Variants in PDE3A observed in about 807,000 individuals in gnomAD.
PDE3A encodes the protein phosphodiesterase 3A, also known as cGMP-inhibited 3',5'-cyclic phosphodiesterase 3A.
Under a neutral mutation model 98.3 loss-of-function variants are expected in PDE3A, and 43 were observed. The ratio of observed to expected loss-of-function variants is 0.44; its 90% CI spans 0.34 to 0.56. The LOEUF (loss-of-function observed/expected upper bound fraction) is 0.56, where lower values mean the gene tolerates loss of function less well. Ranked by LOEUF, PDE3A falls within the 20% of genes least tolerant of loss-of-function variation. PDE3A has a pLI of 0.01. For synonymous variants in PDE3A, 663 were observed against 567.9 expected (o/e 1.17, Z -2.38); for missense variants, 1,427 against 1,440.7 (o/e 0.99, Z 0.15).
Position 20,552,620 on chromosome 12 carries a change from G to C in PDE3A, c.961-4040G>C, listed in dbSNP as rs570333807. On this transcript the variant is annotated intron_variant, in intron 1 of 15. Coordinates refer to ENST00000359062, the MANE Select transcript of PDE3A (RefSeq NM_000921.5). This position sits in a 1 kb window ranked among gnomAD's most constrained non-coding sequence, Gnocchi z 5.1. ...CCGAGCAGGGCCGGGTCCCCGCGCC[G>C]GACATCCAAGAAAACCAAGGTGGAG... 1.9e-6 allele frequency: 3 copies of C among 1,613,554 alleles called. No individual in the cohort carries two copies. The highest frequency in any genetic ancestry group is 1.7e-6 in the Non-Finnish European group (2 of 1,179,760).
rs1455233586 is a variant in PDE3A at position 20,552,819 on chromosome 12, G to A, written c.961-3841G>A. The A allele has an allele frequency of 1.2e-6, 2 of 1,613,868 alleles. No homozygotes were observed. Among genetic ancestry groups the A allele is most frequent in the African/African-American group, 1.3e-5 (1 of 74,950 alleles). On this transcript the variant is annotated intron_variant, in intron 1 of 15. Transcript: ENST00000359062. This position sits in a 1 kb window ranked among gnomAD's most constrained non-coding sequence, Gnocchi z 5.1. ...TCCAGTGTATCTGCTGTCAGGAGCT[G>A]GTGTTCCGGCCCATCACGACCGTGT...
At chr12:20,645,232 C>T (rs530612103) in intron 10 of PDE3A, among the ~76,000 whole-genome samples, 11 of 152,148 alleles carry the variant, frequency 7.2e-5, no homozygotes, top group Non-Finnish European at 1.6e-4. Context: ...TCTTTTCAAA[C>T]CCACATCCAG....
chr12:20,471,197 C>G (rs1945433913), intron 1 of PDE3A, among the ~76,000 whole-genome samples: 1 of 152,128 alleles, frequency 6.6e-6, no homozygotes, highest in Admixed American at 6.5e-5. Context: ...AGCATTTGAA[C>G]TCTTCAGAAT....
chr12:20,625,805 AT>A (rs1381436355), intron 5 of PDE3A, among the ~76,000 whole-genome samples: 1 of 152,130 alleles, frequency 6.6e-6, no homozygotes, highest in Non-Finnish European at 1.5e-5. Context: ...AGGAGTTGGC[AT>A]TTTAGACTTT....
chr12:20,597,497 G>A (rs567578320), intron 2 of PDE3A, among the ~76,000 whole-genome samples: 15 of 152,028 alleles, frequency 9.9e-5, no homozygotes, highest in East Asian at 1.9e-4. Context: ...TTTTTTGTTG[G>A]TTTTTTTCTT....
intron 1 of PDE3A, among the ~76,000 whole-genome samples, chr12:20,538,931 C>A (rs946976108): frequency 6.7e-6 from 1 of 150,122 alleles, no homozygotes; most frequent in South Asian, 2.2e-4. Context: ...CAAGTGTGAA[C>A]CACCACACCT....
intron 1 of PDE3A, among the ~76,000 whole-genome samples, chr12:20,491,403 C>T (rs1173109524): frequency 6.6e-6 from 1 of 152,144 alleles, no homozygotes; most frequent in Non-Finnish European, 1.5e-5. Context: ...TGCCTTCCCT[C>T]CCCCACCTTT....
chr12:20,590,405 A>G (rs1943308726), intron 2 of PDE3A, among the ~76,000 whole-genome samples: 1 of 148,648 alleles, frequency 6.7e-6, no homozygotes, highest in African/African-American at 2.5e-5. Flanking sequence ...CCTGAGTGAG[A>G]GGTGGCATGT....
intron 1 of PDE3A, among the ~76,000 whole-genome samples, chr12:20,383,031 C>G (rs1180069294): frequency 6.6e-6 from 1 of 151,878 alleles, no homozygotes; most frequent in Admixed American, 6.6e-5. Flanking sequence ...CCAGATAAGG[C>G]AACAGTAGAA....
In PDE3A at chr12:20,686,339, T is replaced by C. The variant is rs930484277; in HGVS notation, c.*6068T>C. ...TGTTATAAAATAAATGTTCTATTAA[T>C]GTATATTTTATTTTACTAAGTTCTA... On this transcript the variant is annotated 3_prime_UTR_variant, in exon 16 of 16. Transcript: ENST00000359062. Among the ~76,000 whole-genome samples, 1 of 152,156 alleles carries C rather than the reference T, an allele frequency of 6.6e-6. No individual in the cohort carries two copies. Among genetic ancestry groups the C allele is most frequent in the Non-Finnish European group, 1.5e-5 (1 of 68,002 alleles).
At chr12:20,630,385 T>C (rs1196978443) in intron 6 of PDE3A, among the ~76,000 whole-genome samples, 1 of 152,232 alleles carries the variant, frequency 6.6e-6, no homozygotes, top group Non-Finnish European at 1.5e-5. Flanking sequence ...GCTGTATATG[T>C]TGCCTGTTTG....
chr12:20,472,906 A>G (rs1044672286), intron 1 of PDE3A, among the ~76,000 whole-genome samples: 2 of 152,302 alleles, frequency 1.3e-5, no homozygotes, highest in Non-Finnish European at 2.9e-5. Flanking sequence ...AAATACATTG[A>G]AATTTTTATT....
intron 1 of PDE3A, among the ~76,000 whole-genome samples, chr12:20,494,485 G>T (rs1945882635): frequency 6.6e-6 from 1 of 151,882 alleles, no homozygotes; most frequent in Admixed American, 6.6e-5. Flanking sequence ...GCTGTGTGTA[G>T]GTACATTTCT....
rs569349522 is a variant in PDE3A at position 20,533,835 on chromosome 12, G to A, written c.961-22825G>A. On this transcript the variant is annotated intron_variant, in intron 1 of 15. Coordinates refer to ENST00000359062, the MANE Select transcript of PDE3A (RefSeq NM_000921.5). ...CTAAAGAATAAGTCTGAACAAAGTA[G>A]TGACTATTTTAAACCAATAGTATAC... Among the ~76,000 whole-genome samples the A allele has an allele frequency of 1.8e-3, 269 of 152,134 alleles. 2 individuals are homozygous for A. Among genetic ancestry groups the A allele is most frequent in the Non-Finnish European group, 3.0e-3 (202 of 68,010 alleles).
chr12:20,469,009 G>A (rs1409451335), intron 1 of PDE3A, among the ~76,000 whole-genome samples: 1 of 152,184 alleles, frequency 6.6e-6, no homozygotes, highest in East Asian at 1.9e-4. Flanking sequence ...CACTGGAGGA[G>A]AAGTCCAAAG....
At position 20,420,235 on chromosome 12, in the gene PDE3A, T is replaced by G. The variant is rs544401219; in HGVS notation, c.960+49991T>G. ...AGGGCTTCGGAGAAGAGAGAATGTC[T>G]GTATTGGAGAGAGACTATTTGGCAG... is the stretch of plus-strand genomic sequence containing the variant. On this transcript the variant is annotated intron_variant, in intron 1 of 15. Transcript: ENST00000359062. 5.9e-4 allele frequency among the ~76,000 whole-genome samples: 90 copies of G among 152,264 alleles called. 1 individual carries two copies. The Middle Eastern group carries it at 0.014, about 23-fold the overall frequency.
intron 1 of PDE3A, among the ~76,000 whole-genome samples, chr12:20,444,019 G>T (rs535042212): frequency 6.6e-6 from 1 of 152,238 alleles, no homozygotes; most frequent in South Asian, 2.1e-4. Context: ...GGTTTATATA[G>T]CAGGAAGTTA....
chr12:20,393,630 A>G (rs1943958760), intron 1 of PDE3A, among the ~76,000 whole-genome samples: 1 of 152,042 alleles, frequency 6.6e-6, no homozygotes, highest in African/African-American at 2.4e-5. Flanking sequence ...TACAACTCTG[A>G]TGTATCAATT....
In PDE3A at chr12:20,369,867, C is replaced by T; in HGVS notation, c.583C>T (p.Leu195Phe). 1 of 1,612,760 alleles carries T rather than the reference C, an allele frequency of 6.2e-7. No homozygotes were observed. The highest frequency in any genetic ancestry group is 8.5e-7 in the Non-Finnish European group (1 of 1,179,686). ...CTCACTCCCCGCCGCGGGGGTGGTG[C>T]TCAGCTGCTTGGCCGCCGCGACATG... ...LLSLPAAGVVLSCLAAATWLV... is the reference protein window; with the variant it reads ...LLSLPAAGVVFSCLAAATWLV... Residue 195 changes from leucine to phenylalanine, a missense_variant, in exon 1 of 16, where the codon CTC (leucine) becomes TTC (phenylalanine). By Grantham distance (22) the Leu-to-Phe change is conservative. This residue lies in a region of PDE3A where 1,012 missense variants were observed against 886.5 expected (regional missense o/e 1.14). Transcript: ENST00000359062.
Sources: gnomAD v4.1 joint callset for allele counts (sites outside exome capture counted in the v4.1 genomes callset) on GRCh38, gnomAD v4.1.1 for gene constraint, gnomAD v4.1.1 regional missense constraint, Gnocchi (gnomAD v3.1) non-coding constraint, MANE v1.5 for transcripts, NCBI Gene and HGNC (gene_info 2026-07-23, HGNC 2026-07-21) for gene names.